The following PRKAG2 variants were observed in gnomAD, a reference collection of about 807,000 sequenced individuals.
The protein encoded by PRKAG2 is 5'-AMP-activated protein kinase subunit gamma-2.
PRKAG2 carries 26 observed loss-of-function variants against 69.6 expected under a neutral mutation model. That is an observed-to-expected ratio of 0.37 (90% CI 0.27 to 0.52). PRKAG2 has a LOEUF of 0.52. Ranked by LOEUF, PRKAG2 falls within the 20% of genes least tolerant of loss-of-function variation. The pLI, the probability that PRKAG2 is intolerant of heterozygous loss-of-function variation, is 0.90. For missense variants in PRKAG2, 557 were observed against 740.0 expected, an observed-to-expected ratio of 0.75 and a Z score of 2.87; for synonymous variants, 293 against 285.0, an observed-to-expected ratio of 1.03 and a Z score of -0.28.
intron 1 of PRKAG2, among the ~76,000 whole-genome samples, chr7:151,874,731 T>A (rs2080346527): frequency 6.6e-6 from 1 of 152,042 alleles, no homozygotes; most frequent in African/African-American, 2.4e-5. Flanking sequence ...ACAAAAAAAA[T>A]AAATAAATTA....
intron 5 of PRKAG2, among the ~76,000 whole-genome samples, chr7:151,609,019 A>G (rs1199350365): frequency 6.6e-6 from 1 of 152,032 alleles, no homozygotes; most frequent in Non-Finnish European, 1.5e-5. Context: ...ACACCACTGC[A>G]ATTTTTGTTT....
intron 1 of PRKAG2, among the ~76,000 whole-genome samples, chr7:151,804,228 G>C (rs2077986915): frequency 6.6e-6 from 1 of 152,170 alleles, no homozygotes; most frequent in East Asian, 1.9e-4. Context: ...GAATGCTCTA[G>C]TTTAACCAGT....
rs199517865 is a variant in PRKAG2, at chr7:151,781,141, C to G, written c.466+11G>C. On this transcript the variant is annotated intron_variant, in intron 3 of 15. Coordinates refer to ENST00000287878, the MANE Select transcript of PRKAG2 (RefSeq NM_016203.4). The surrounding 1 kb of genome is among the most constrained non-coding windows in gnomAD (Gnocchi z 6.1). ...CAGCACCCACCTGAAACAATAGCATCAAGGTCTTACTTTTTCTGGAGCGGG... is the reference window on the plus strand; with the variant it reads ...CAGCACCCACCTGAAACAATAGCATGAAGGTCTTACTTTTTCTGGAGCGGG... 5.6e-6 allele frequency: 9 copies of G among 1,613,774 alleles called. No homozygotes were observed. Among genetic ancestry groups the G allele is most frequent in the Non-Finnish European group, 7.6e-6 (9 of 1,180,012 alleles).
intron 6 of PRKAG2, among the ~76,000 whole-genome samples, chr7:151,582,694 C>T (rs1242689566): frequency 1.3e-5 from 2 of 152,212 alleles, no homozygotes; most frequent in African/African-American, 4.8e-5. Flanking sequence ...CTCTACAGAA[C>T]AGGGACACTG....
At chr7:151,690,270 T>A (rs1330631410) in intron 3 of PRKAG2, among the ~76,000 whole-genome samples, 1 of 152,206 alleles carries the variant, frequency 6.6e-6, no homozygotes, top group African/African-American at 2.4e-5. Context: ...ATGCTGCCTG[T>A]GTCTGATGGA....
intron 5 of PRKAG2, among the ~76,000 whole-genome samples, chr7:151,628,276 A>T (rs990901172): frequency 1.3e-5 from 2 of 152,246 alleles, no homozygotes; most frequent in Non-Finnish European, 2.9e-5. Context: ...AAAAGCATTC[A>T]TGAGTTGTGT....
intron 3 of PRKAG2, among the ~76,000 whole-genome samples, chr7:151,686,577 C>T (rs542714702): frequency 3.3e-4 from 50 of 152,282 alleles, no homozygotes; most frequent in African/African-American, 1.2e-3. Context: ...CTCTGCTGCT[C>T]CTTTCCAGCC....
intron 1 of PRKAG2, among the ~76,000 whole-genome samples, chr7:151,860,796 C>T (rs1049809978): frequency 1.9e-4 from 29 of 152,180 alleles, no homozygotes; most frequent in Non-Finnish European, 3.7e-4. Context: ...GCACTGTTCT[C>T]GCCCAGGGAA....
Position 151,664,907 on chromosome 7 carries a change from A to AT in PRKAG2, c.684+10512dup, listed in dbSNP as rs11393033. ...CCATCGTCATGGTTAAGGGATGCAG[A>AT]TTTTATCTTGAGAACTCTATCAACC... On this transcript the variant is annotated intron_variant, in intron 4 of 15. Coordinates refer to ENST00000287878, the MANE Select transcript of PRKAG2 (RefSeq NM_016203.4). 9.9e-3 allele frequency among the ~76,000 whole-genome samples: 1,514 copies of AT among 152,276 alleles called. 26 individuals are homozygous for AT. The highest frequency in any genetic ancestry group is 0.035 in the African/African-American group (1,452 of 41,544).
At chr7:151,620,545 A>G (rs1018189273) in intron 5 of PRKAG2, among the ~76,000 whole-genome samples, 2 of 151,806 alleles carry the variant, frequency 1.3e-5, no homozygotes, top group Non-Finnish European at 2.9e-5. Flanking sequence ...TGGCATGATC[A>G]CTGCTCACTG....
intron 3 of PRKAG2, among the ~76,000 whole-genome samples, chr7:151,765,677 T>G (rs987184171): frequency 2.0e-5 from 3 of 152,180 alleles, no homozygotes; most frequent in African/African-American, 7.2e-5. Flanking sequence ...ATGACCCTAT[T>G]TCCAAGTCAG....
chr7:151,753,814 G>A lies in PRKAG2; in HGVS notation c.466+27338C>T, dbSNP rs564795850. Among the ~76,000 whole-genome samples the A allele has an allele frequency of 4.5e-3, 661 of 145,452 alleles. 3 individuals are homozygous for A. Among genetic ancestry groups the A allele is most frequent in the Non-Finnish European group, 7.9e-3 (513 of 64,572 alleles). On this transcript the variant is annotated intron_variant, in intron 3 of 15. Transcript: ENST00000287878. The stretch of plus-strand genomic sequence containing the variant: ...TTTGGGAGGTCAAGGCAGGAGGATC[G>A]CTTAAGCCCAGGTGTTTGAGACCAG...
At chr7:151,716,470 G>A (rs1000312348) in intron 3 of PRKAG2, among the ~76,000 whole-genome samples, 1 of 152,166 alleles carries the variant, frequency 6.6e-6, no homozygotes, top group Admixed American at 6.6e-5. Context: ...GGCAGGGCTT[G>A]GATCCACAAG....
intron 13 of PRKAG2, among the ~76,000 whole-genome samples, chr7:151,564,635 T>A (rs963022796): frequency 6.6e-6 from 1 of 152,060 alleles, no homozygotes; most frequent in African/African-American, 2.4e-5. Flanking sequence ...CTCAACAAGC[T>A]CCCTGGGGAA....
intron 5 of PRKAG2, among the ~76,000 whole-genome samples, chr7:151,612,209 C>T (rs1819037251): frequency 6.6e-6 from 1 of 152,162 alleles, no homozygotes; most frequent in Non-Finnish European, 1.5e-5. Flanking sequence ...TGTCTCTCCC[C>T]AGGATGCCCA....
At chr7:151,876,347 C>T (rs1272777982) in intron 1 of PRKAG2, among the ~76,000 whole-genome samples, 160 bp downstream of exon 1, 1 of 152,080 alleles carries the variant, frequency 6.6e-6, no homozygotes, top group African/African-American at 2.4e-5. Flanking sequence ...GCTCCGCCAG[C>T]CCAGCTCGGG....
chr7:151,731,582 C>T (rs1022818630), intron 3 of PRKAG2, among the ~76,000 whole-genome samples: 30 of 151,980 alleles, frequency 2.0e-4, no homozygotes, highest in Non-Finnish European at 2.8e-4. Context: ...TCTCTTGACC[C>T]GGGGAACTGC....
intron 3 of PRKAG2, among the ~76,000 whole-genome samples, chr7:151,742,185 G>A (rs889061564): frequency 2.6e-5 from 4 of 152,092 alleles, no homozygotes; most frequent in African/African-American, 9.7e-5. Context: ...TCATCCATGT[G>A]CACAGGAAAA....
chr7:151,586,540 G>C (rs1030620119), intron 6 of PRKAG2, among the ~76,000 whole-genome samples: 3 of 152,178 alleles, frequency 2.0e-5, no homozygotes, highest in African/African-American at 7.2e-5. Context: ...TTTAATGCTA[G>C]AATGTGATTC....
Sources: allele counts gnomAD v4.1 joint callset (sites outside exome capture counted in the v4.1 genomes callset), GRCh38; gene constraint gnomAD v4.1.1; non-coding constraint Gnocchi (gnomAD v3.1); transcripts MANE v1.5; gene names NCBI Gene and HGNC (gene_info 2026-07-23, HGNC 2026-07-21).